VSIR: variants seen among roughly 807,000 people sequenced by gnomAD.
VSIR encodes the protein V-set immunoregulatory receptor.
A neutral mutation model predicts 31.0 loss-of-function variants in VSIR; 10 were observed. The ratio of observed to expected loss-of-function variants is 0.32; its 90% CI spans 0.20 to 0.55. The LOEUF is 0.55. Among genes scored for constraint, VSIR ranks in the 20% least tolerant of loss-of-function variants. VSIR has a pLI of 0.93. For missense variants in VSIR, 356 were observed against 416.2 expected (o/e 0.86, Z 1.26); for synonymous variants, 179 against 180.1 (o/e 0.99, Z 0.05).
chr10:71,751,174 G>A lies in VSIR; in HGVS notation c.*79C>T. 4.0e-6 allele frequency: 6 copies of A among 1,504,758 alleles called. No individual in the cohort carries two copies. The highest frequency in any genetic ancestry group is 5.4e-6 in the Non-Finnish European group (6 of 1,105,330). 93.2% of individuals were successfully genotyped at this position (1,504,758 alleles called of 1,614,324 possible). A position where few individuals can be genotyped will look rare whatever the true frequency, so the allele number is the denominator to read the frequency against. ...AGGGAACCAGGGCCGAGGCCAAGGAGGCCACTCACAGAGCCAGCCCTGGCT... is the reference window on the plus strand; with the variant it reads ...AGGGAACCAGGGCCGAGGCCAAGGAAGCCACTCACAGAGCCAGCCCTGGCT... On this transcript the variant is annotated 3_prime_UTR_variant, in exon 7 of 7. Coordinates refer to ENST00000394957, the MANE Select transcript of VSIR (RefSeq NM_022153.2). This position sits in a 1 kb window ranked among gnomAD's most constrained non-coding sequence, Gnocchi z 4.9.
chr10:71,771,844 G>A (rs2132913168), intron 1 of VSIR, among the ~76,000 whole-genome samples: 1 of 152,316 alleles, frequency 6.6e-6, no homozygotes, highest in African/African-American at 2.4e-5. Context: ...CCTGTGCCCT[G>A]GATCTCTAGA....
chr10:71,755,848 T>A (rs529827005), intron 3 of VSIR, among the ~76,000 whole-genome samples: 89 of 152,058 alleles, frequency 5.9e-4, no homozygotes, highest in Admixed American at 1.0e-3. Flanking sequence ...GAGCTCAAGG[T>A]CAAAAGAAGC....
In VSIR at chr10:71,751,644, C is replaced by T; in HGVS notation, c.898+24G>A. On this transcript the variant is annotated intron_variant, in intron 6 of 6. Coordinates refer to ENST00000394957, the MANE Select transcript of VSIR (RefSeq NM_022153.2). This position sits in a 1 kb window ranked among gnomAD's most constrained non-coding sequence, Gnocchi z 4.9. ...GGTCATGACCTTACAGGTCATCGTGCTGTGAAGGTCAGGAAACACTTACCC... is the reference window on the plus strand; with the variant it reads ...GGTCATGACCTTACAGGTCATCGTGTTGTGAAGGTCAGGAAACACTTACCC... The T allele has an allele frequency of 6.6e-7, 1 of 1,515,082 alleles. No homozygotes were observed. 93.9% of individuals were successfully genotyped at this position (1,515,082 alleles called of 1,614,324 possible).
At chr10:71,753,190 T>G (rs531003833) in intron 4 of VSIR, among the ~76,000 whole-genome samples, 188 bp from the exon 5 acceptor site, 8 of 152,192 alleles carry the variant, frequency 5.3e-5, no homozygotes, top group Non-Finnish European at 8.8e-5. Flanking sequence ...GTCCAGCAGA[T>G]GGGGCCTCCA....
At chr10:71,753,504 T>C (rs1251476475) in intron 4 of VSIR, among the ~76,000 whole-genome samples, 1 of 152,204 alleles carries the variant, frequency 6.6e-6, no homozygotes, top group African/African-American at 2.4e-5. Flanking sequence ...ATCCCCTACA[T>C]TGCCTAATAG....
chr10:71,750,215 A>G lies in VSIR; in HGVS notation c.*1038T>C, dbSNP rs1369355634. 1 of 151,134 alleles carries G rather than the reference A, an allele frequency of 6.6e-6. No individual in the cohort carries two copies. The highest frequency in any genetic ancestry group is 1.9e-4 in the East Asian group (1 of 5,152). 9.4% of individuals were successfully genotyped at this position (151,134 alleles called of 1,614,324 possible). A position where few individuals can be genotyped will look rare whatever the true frequency, so the allele number is the denominator to read the frequency against. On this transcript the variant is annotated 3_prime_UTR_variant, in exon 7 of 7. Transcript: ENST00000394957. ...CTGGCCGAATGGCTCTGAAGCGAAG[A>G]CTCCACCAGGCCCAGATTGTATGGA...
At chr10:71,772,518 C>T (rs1052945535) in intron 1 of VSIR, among the ~76,000 whole-genome samples, 3 of 152,230 alleles carry the variant, frequency 2.0e-5, no homozygotes, top group African/African-American at 7.2e-5. Context: ...AGCCCGGGAG[C>T]CCCTGTGTTG....
intron 2 of VSIR, among the ~76,000 whole-genome samples, chr10:71,761,257 C>T (rs1589405286): frequency 6.6e-6 from 1 of 152,310 alleles, no homozygotes; most frequent in Admixed American, 6.5e-5. Flanking sequence ...CTGAGTCATG[C>T]CCCAGGGCAC....
At chr10:71,760,987 T>C (rs1840367432) in intron 2 of VSIR, 63 bp from the exon 3 acceptor site, 5 of 1,525,344 alleles carry the variant, frequency 3.3e-6, no homozygotes, top group South Asian at 2.2e-5. Context: ...GGGAGGCTTG[T>C]CCAGGCCAGT....
At chr10:71,754,513 G>A (rs1377277996) in intron 4 of VSIR, among the ~76,000 whole-genome samples, 2 of 152,172 alleles carry the variant, frequency 1.3e-5, no homozygotes, top group Non-Finnish European at 2.9e-5. Flanking sequence ...GCCCCTTCTT[G>A]GAGGACTCAG....
chr10:71,764,729 T>A (rs928801087), intron 1 of VSIR, among the ~76,000 whole-genome samples: 2 of 152,194 alleles, frequency 1.3e-5, no homozygotes, highest in African/African-American at 4.8e-5. Flanking sequence ...CTTGGTCCTG[T>A]GGACATTTGA....
intron 3 of VSIR, among the ~76,000 whole-genome samples, chr10:71,760,301 G>A (rs1311537976): frequency 6.1e-5 from 6 of 97,652 alleles, no homozygotes; most frequent in Admixed American, 1.1e-4. Flanking sequence ...GTATATATAT[G>A]TATATACACA....
In VSIR at chr10:71,750,041, A is replaced by C; in HGVS notation, c.*1212T>G. ...GCTCAGGCACTGCCTTCCCTGTTTT[A>C]CCCCCAGAGTGTACAGAGATGCCCC... is the stretch of plus-strand genomic sequence containing the variant. On this transcript the variant is annotated 3_prime_UTR_variant, in exon 7 of 7. Transcript: ENST00000394957. The C allele has an allele frequency of 6.6e-6, 1 of 151,114 alleles. No individual in the cohort carries two copies. The highest frequency in any genetic ancestry group is 2.5e-5 in the African/African-American group (1 of 40,718). The allele number at this position is 151,114 out of a possible 1,614,324, so 9.4% of individuals were successfully genotyped here.
In VSIR at chr10:71,751,835, C is replaced by G; in HGVS notation, c.731G>C (p.Gly244Ala). Reference sequence around the variant, plus strand: ...CTGGGCAGGTGGTGAGGCTTCAAAGCCGGGGTTTTCAATCCCTTGAATGTT... The same window carrying G: ...CTGGGCAGGTGGTGAGGCTTCAAAGGCGGGGTTTTCAATCCCTTGAATGTT... The part of the protein sequence containing the change: ...DSNIQGIENP[G>A]FEASPPAQGI... The change falls in exon 6 of 7, where the codon GGC becomes GCC. Residue 244 changes from glycine to alanine, a missense_variant. By Grantham distance (60) the Gly-to-Ala change is moderately conservative. This residue lies in a region of VSIR where 190 missense variants were observed against 185.2 expected (regional missense o/e 1.03). Coordinates refer to ENST00000394957, the MANE Select transcript of VSIR (RefSeq NM_022153.2). The surrounding 1 kb of genome is among the most constrained non-coding windows in gnomAD (Gnocchi z 4.9). The G allele has an allele frequency of 6.4e-7, 1 of 1,564,170 alleles. No individual in the cohort carries two copies. Among genetic ancestry groups the G allele is most frequent in the South Asian group, 1.2e-5 (1 of 84,296 alleles).
At chr10:71,764,966 G>C (rs1023257782) in intron 1 of VSIR, among the ~76,000 whole-genome samples, 4 of 152,248 alleles carry the variant, frequency 2.6e-5, no homozygotes, top group African/African-American at 9.7e-5. Flanking sequence ...AAGCTTGGCT[G>C]TGCCCCTGGT....
intron 1 of VSIR, among the ~76,000 whole-genome samples, chr10:71,771,141 C>G (rs1376467928): frequency 6.6e-6 from 1 of 152,160 alleles, no homozygotes; most frequent in Non-Finnish European, 1.5e-5. Context: ...GAGGACAGGG[C>G]AAGGACAGTA....
intron 1 of VSIR, among the ~76,000 whole-genome samples, chr10:71,766,085 T>A (rs1228402536): frequency 6.6e-6 from 1 of 152,210 alleles, no homozygotes; most frequent in Non-Finnish European, 1.5e-5. Context: ...GGACTCCACA[T>A]CTGTGCACAT....
chr10:71,754,622 C>G (rs1840086836), intron 4 of VSIR, among the ~76,000 whole-genome samples: 1 of 152,190 alleles, frequency 6.6e-6, no homozygotes, highest in Non-Finnish European at 1.5e-5. Context: ...TGACTTAAAG[C>G]CCAGCCCCAC....
chr10:71,765,609 T>C (rs1272278086), intron 1 of VSIR, among the ~76,000 whole-genome samples: 1 of 152,096 alleles, frequency 6.6e-6, no homozygotes, highest in African/African-American at 2.4e-5. Context: ...AGGGAAGGGA[T>C]GTTCTCCCCT....
Sources: allele counts gnomAD v4.1 joint callset (sites outside exome capture counted in the v4.1 genomes callset), GRCh38; gene constraint gnomAD v4.1.1; regional missense constraint gnomAD v4.1.1; non-coding constraint Gnocchi (gnomAD v3.1); transcripts MANE v1.5; gene names NCBI Gene and HGNC (gene_info 2026-07-23, HGNC 2026-07-21).